Variants in TBX10 observed in about 807,000 individuals in gnomAD.
TBX10 encodes T-box transcription factor TBX10.
In TBX10, 26 loss-of-function variants were observed where a neutral mutation model predicts 32.4. The ratio of observed to expected loss-of-function variants is 0.80; its 90% CI spans 0.59 to 1.11. The LOEUF is 1.11. TBX10 is among the 50% of genes most tolerant of loss of function. The pLI, the probability that TBX10 is intolerant of heterozygous loss-of-function variation, is 0.00. For synonymous variants in TBX10, 195 were observed against 203.1 expected, an observed-to-expected ratio of 0.96 and a Z score of 0.34; for missense variants, 490 against 494.5, an observed-to-expected ratio of 0.99 and a Z score of 0.09.
chr11:67,634,548 T>C (rs1376695744), intron 3 of TBX10, among the ~76,000 whole-genome samples, 188 bp from the exon 4 acceptor site: 1 of 152,202 alleles, frequency 6.6e-6, no homozygotes, highest in Non-Finnish European at 1.5e-5. Context: ...ACCTGGCTGG[T>C]GGATGACAGG....
At chr11:67,639,346 G>A in intron 1 of TBX10, 120 bp downstream of exon 1, 1 of 1,452,910 alleles carries the variant, frequency 6.9e-7, no homozygotes, top group Non-Finnish European at 9.5e-7. Context: ...GGGTGCCCCT[G>A]CCCCACCCTC....
At chr11:67,639,913 G>A (rs1855382256), upstream of TBX10, among the ~76,000 whole-genome samples, 1 of 152,322 alleles carries the variant, frequency 6.6e-6, no homozygotes, top group East Asian at 1.9e-4. Context: ...AGGCGTGGCA[G>A]GGGTGAGGGG....
In TBX10 at chr11:67,634,852, A is replaced by G; in HGVS notation, c.341T>C (p.Leu114Pro). ...GTCGTCCAGGGGGATGAAGTCCATG[A>G]GCAGGGCGTAGTCGGCCAGGGAGTC... is the stretch of plus-strand genomic sequence containing the variant. Reference protein sequence around the residue: ...GMDSLADYALLMDFIPLDDKR... With the variant: ...GMDSLADYALPMDFIPLDDKR... Residue 114 changes from leucine to proline, a missense_variant, in exon 3 of 8, where the codon CTC (leucine) becomes CCC (proline). This residue lies in a region of TBX10 where 307 missense variants were observed against 294.9 expected (regional missense o/e 1.04). Transcript: ENST00000335385. The G allele has an allele frequency of 1.2e-6, 2 of 1,613,472 alleles. No individual in the cohort carries two copies. The highest frequency in any genetic ancestry group is 1.7e-6 in the Non-Finnish European group (2 of 1,180,002).
Position 67,635,106 on chromosome 11 carries a change from C to G in TBX10, c.165G>C (p.Gln55His). 1 of 1,613,862 alleles carries G rather than the reference C, an allele frequency of 6.2e-7. No individual in the cohort carries two copies. The highest frequency in any genetic ancestry group is 8.5e-7 in the Non-Finnish European group (1 of 1,180,038). Residue 55 changes from glutamine to histidine, a missense_variant, in exon 2 of 8, where the codon CAG (glutamine) becomes CAC (histidine). Gln to His is a conservative substitution (Grantham distance 24, BLOSUM62 0). Coordinates refer to ENST00000335385, the MANE Select transcript of TBX10 (RefSeq NM_005995.5). ...GAQAVAEPTG[Q>H]GPKNPRVSRV... ...TGGACACACGTGGGTTCTTGGGGCC[C>G]TGCCCAGTGGGCTCGGCCACAGCTT... is the stretch of plus-strand genomic sequence containing the variant.
chr11:67,639,791 G>A (rs1855380458), upstream of TBX10, among the ~76,000 whole-genome samples: 1 of 152,112 alleles, frequency 6.6e-6, no homozygotes, highest in African/African-American at 2.4e-5. Flanking sequence ...AGGAGGGCAG[G>A]TGGGAAGGTT....
At chr11:67,633,549 G>A (rs1041094319) in intron 4 of TBX10, among the ~76,000 whole-genome samples, 3 of 152,056 alleles carry the variant, frequency 2.0e-5, no homozygotes, top group African/African-American at 7.2e-5. Flanking sequence ...TCAGGCATTC[G>A]CCTCCTTGGC....
At chr11:67,632,061 C>T (rs1259800099) in intron 7 of TBX10, among the ~76,000 whole-genome samples, 167 bp from the exon 8 acceptor site, 2 of 152,226 alleles carry the variant, frequency 1.3e-5, no homozygotes, top group Non-Finnish European at 2.9e-5. Context: ...CTCCCTCTGT[C>T]CAAACCCTTC....
chr11:67,638,841 G>T (rs560155715), intron 1 of TBX10, among the ~76,000 whole-genome samples: 10 of 152,268 alleles, frequency 6.6e-5, no homozygotes, highest in African/African-American at 2.4e-4. Flanking sequence ...GCTGGTTGTC[G>T]CCCGGCTGCC....
In TBX10 at chr11:67,639,728, C is replaced by T. The variant is rs1855379779; in HGVS notation, c.-256G>A. On this transcript the variant is annotated 5_prime_UTR_variant, in exon 1 of 8. Transcript: ENST00000335385. ...GGTGAGATGCAGGCTCTGGGGCGTG[C>T]AGCGGCCCTTCTCCAAGCCACTCTC... Among the ~76,000 whole-genome samples, 1 of 152,208 alleles carries T rather than the reference C, an allele frequency of 6.6e-6. No homozygotes were observed. The highest frequency in any genetic ancestry group is 1.5e-5 in the Non-Finnish European group (1 of 68,030).
At chr11:67,633,794 G>A (rs1040449914) in intron 4 of TBX10, among the ~76,000 whole-genome samples, 2 of 152,142 alleles carry the variant, frequency 1.3e-5, no homozygotes, top group South Asian at 2.1e-4. Context: ...TATCTGAGAC[G>A]CTGGGGACAG....
chr11:67,639,408 C>CCCCCCCCCCCCCCAA, intron 1 of TBX10, 58 bp downstream of exon 1: 1 of 1,478,872 alleles, frequency 6.8e-7, no homozygotes. Context: ...CCCTGCCCAC[C>CCCCCCCCCCCCCCAA]CACCCTGGAA....
chr11:67,632,937 G>C lies in TBX10; in HGVS notation c.705+11C>G. On this transcript the variant is annotated intron_variant, in intron 5 of 7. Transcript: ENST00000335385. ...GGCCTGCAGCGGGTGCTCCCGAGCTGGTTCACCCACCCTGTGGTTCTGATA... is the reference window on the plus strand; with the variant it reads ...GGCCTGCAGCGGGTGCTCCCGAGCTCGTTCACCCACCCTGTGGTTCTGATA... 2 of 1,614,170 alleles carry C rather than the reference G, an allele frequency of 1.2e-6. No homozygotes were observed. The highest frequency in any genetic ancestry group is 1.7e-6 in the Non-Finnish European group (2 of 1,180,006).
intron 4 of TBX10, among the ~76,000 whole-genome samples, chr11:67,633,661 C>T (rs113764823): frequency 1.3e-3 from 205 of 152,362 alleles, no homozygotes; most frequent in Middle Eastern, 0.01. Context: ...TCCCCTCTGA[C>T]GGGCATGGGC....
At chr11:67,637,420 A>G (rs1855345931) in intron 1 of TBX10, among the ~76,000 whole-genome samples, 1 of 152,204 alleles carries the variant, frequency 6.6e-6, no homozygotes, top group Non-Finnish European at 1.5e-5. Context: ...AGTACACCGA[A>G]CAAAGGAGAC....
At chr11:67,641,502 C>A (rs1220737286), upstream of TBX10, among the ~76,000 whole-genome samples, 1 of 152,226 alleles carries the variant, frequency 6.6e-6, no homozygotes, top group African/African-American at 2.4e-5. Flanking sequence ...TGGCCCCCTG[C>A]CCCCTCATCC....
At chr11:67,639,403 C>CCCCCCCCCCA in intron 1 of TBX10, 63 bp downstream of exon 1, 1 of 646,482 alleles carries the variant, frequency 1.5e-6, no homozygotes, top group African/African-American at 1.9e-5. Context: ...TCCCACCCTG[C>CCCCCCCCCCA]CCACCCACCC....
chr11:67,637,738 TTTA>T (rs202097656), intron 1 of TBX10, among the ~76,000 whole-genome samples: 4,344 of 152,316 alleles, frequency 0.029, 368 homozygotes, highest in Admixed American at 0.18. Flanking sequence ...TTGATTTTTT[TTTA>T]TTATTGTTAG....
chr11:67,641,545 G>C (rs138165326), upstream of TBX10, among the ~76,000 whole-genome samples: 617 of 152,312 alleles, frequency 4.1e-3, 1 homozygote, highest in Non-Finnish European at 5.6e-3. Context: ...TGGTGCCCCC[G>C]TATCCTTCAC....
At position 67,633,143 on chromosome 11, in the gene TBX10, A is replaced by G. The variant is rs371230888; in HGVS notation, c.550-40T>C. 73 of 1,597,782 alleles carry G rather than the reference A, an allele frequency of 4.6e-5. 1 individual carries two copies. In the Middle Eastern group the frequency reaches 1.0e-3, roughly 22 times the overall value. ...GAGCAGGGGTACAGGGGTGAGGCGG[A>G]GTACAGCGGACTCCCTGAGGCTGGA... On this transcript the variant is annotated intron_variant, in intron 4 of 7. Transcript: ENST00000335385.
Sources: allele counts gnomAD v4.1 joint callset (sites outside exome capture counted in the v4.1 genomes callset), GRCh38; gene constraint gnomAD v4.1.1; regional missense constraint gnomAD v4.1.1; transcripts MANE v1.5; gene names NCBI Gene and HGNC (gene_info 2026-07-23, HGNC 2026-07-21).